The following FKBP5 variants were observed in gnomAD, a reference collection of about 807,000 sequenced individuals.
The protein encoded by FKBP5 is FKBP prolyl isomerase 5.
A neutral mutation model predicts 50.5 loss-of-function variants in FKBP5; 23 were observed. The observed-to-expected ratio is 0.46, with a 90% confidence interval of 0.33 to 0.65. The LOEUF (loss-of-function observed/expected upper bound fraction) is 0.65, where lower values mean the gene tolerates loss of function less well. Among genes scored for constraint, FKBP5 ranks in the 30% least tolerant of loss-of-function variants. The pLI is 0.02. For synonymous variants in FKBP5, 176 were observed against 190.6 expected (o/e 0.92, Z 0.63); for missense variants, 411 against 553.1 (o/e 0.74, Z 2.58).
chr6:35,576,989 C>T lies in FKBP5; in HGVS notation c.1266+5G>A. The T allele has an allele frequency of 6.2e-7, 1 of 1,613,580 alleles. No individual in the cohort carries two copies. ...CCACCTGCAGTCATCAGGCTCTGCA[C>T]ACACCTTGGCATCCTGCTCTGCAAA... On this transcript the variant is annotated splice_donor_5th_base_variant and intron_variant, in intron 10 of 10. Transcript: ENST00000357266.
intron 1 of FKBP5, among the ~76,000 whole-genome samples, chr6:35,677,533 T>A (rs1284632884): frequency 6.6e-6 from 1 of 152,172 alleles, no homozygotes; most frequent in Non-Finnish European, 1.5e-5. Context: ...GGTTCAGCAT[T>A]TCCCCTACTA....
At chr6:35,711,866 A>C (rs974079037) in intron 2 of FKBP5, among the ~76,000 whole-genome samples, 1 of 151,896 alleles carries the variant, frequency 6.6e-6, no homozygotes, top group Non-Finnish European at 1.5e-5. Context: ...TTATGTTTCT[A>C]CTTCTGTCTG....
intron 9 of FKBP5, among the ~76,000 whole-genome samples, chr6:35,578,479 A>G (rs559061029): frequency 6.6e-6 from 1 of 152,306 alleles, no homozygotes; most frequent in South Asian, 2.1e-4. Flanking sequence ...CAAAGCTAAA[A>G]GAAAATTGCT....
chr6:35,650,199 A>G (rs1581852102), intron 1 of FKBP5, among the ~76,000 whole-genome samples: 1 of 151,474 alleles, frequency 6.6e-6, no homozygotes, highest in Non-Finnish European at 1.5e-5. Flanking sequence ...AATAAAAAAT[A>G]CACGCCTGTG....
intron 1 of FKBP5, among the ~76,000 whole-genome samples, chr6:35,685,218 T>A (rs570936666): frequency 6.6e-6 from 1 of 152,338 alleles, no homozygotes; most frequent in African/African-American, 2.4e-5. Flanking sequence ...CTAGTACATA[T>A]GGCCCCACTG....
chr6:35,611,625 A>C (rs958773601), intron 5 of FKBP5, among the ~76,000 whole-genome samples: 3 of 152,210 alleles, frequency 2.0e-5, no homozygotes, highest in Non-Finnish European at 4.4e-5. Flanking sequence ...TAAAGACTGA[A>C]GTATCAGTCA....
chr6:35,651,480 C>G (rs559073311), intron 1 of FKBP5, among the ~76,000 whole-genome samples: 8 of 152,088 alleles, frequency 5.3e-5, no homozygotes, highest in Non-Finnish European at 1.2e-4. Context: ...AGAAGGTTAT[C>G]AGAGATAAGG....
intron 1 of FKBP5, among the ~76,000 whole-genome samples, chr6:35,683,842 A>C (rs1252066003): frequency 1.3e-5 from 2 of 151,116 alleles, no homozygotes; most frequent in Admixed American, 6.6e-5. Context: ...ACCTAAGATC[A>C]GGAGTTTAAG....
intron 7 of FKBP5, 127 bp from the exon 8 acceptor site, chr6:35,587,244 G>T: frequency 2.4e-6 from 2 of 822,770 alleles, no homozygotes; most frequent in Non-Finnish European, 2.0e-6. Flanking sequence ...TGTTGAAATT[G>T]TGTGTCAGTG....
chr6:35,689,136 CCA>C (rs1261505898), upstream of FKBP5, among the ~76,000 whole-genome samples: 1 of 152,222 alleles, frequency 6.6e-6, no homozygotes, highest in Non-Finnish European at 1.5e-5. Flanking sequence ...CCACGCCAGC[CCA>C]CGTGTCTGGC....
intron 10 of FKBP5, among the ~76,000 whole-genome samples, 190 bp downstream of exon 10, chr6:35,576,799 TCTCTC>T (rs1442978915): frequency 1.3e-5 from 2 of 152,192 alleles, no homozygotes; most frequent in Non-Finnish European, 2.9e-5. Context: ...AGTTTTCTCA[TCTCTC>T]ATGACGTGTG....
chr6:35,668,302 G>A (rs1158998361), intron 1 of FKBP5, among the ~76,000 whole-genome samples: 1 of 152,186 alleles, frequency 6.6e-6, no homozygotes, highest in East Asian at 1.9e-4. Context: ...GGGAAGCCCT[G>A]CTTCTCCCTC....
At chr6:35,576,380 A>G (rs560907526) in intron 10 of FKBP5, among the ~76,000 whole-genome samples, 1 of 152,278 alleles carries the variant, frequency 6.6e-6, no homozygotes, top group East Asian at 1.9e-4. Context: ...TTTTTCAAAA[A>G]TGACAAAAGG....
intron 8 of FKBP5, chr6:35,580,977 A>G: frequency 1.0e-6 from 1 of 985,268 alleles, no homozygotes; most frequent in Non-Finnish European, 1.2e-6. Context: ...AACACAGCCA[A>G]TCCTATTTGA....
At chr6:35,623,425 C>A (rs1482681020) in intron 3 of FKBP5, among the ~76,000 whole-genome samples, 1 of 152,184 alleles carries the variant, frequency 6.6e-6, no homozygotes, top group Admixed American at 6.5e-5. Flanking sequence ...ATATTACCAA[C>A]AGTAATCTAA....
Position 35,686,237 on chromosome 6 carries a change from AT to A in FKBP5, c.-20+2566del, listed in dbSNP as rs1765824242. ...TTTGAAACTGAAATTGTAGTTGATA[AT>A]TTTATGATATCATCTATTACAAGTT... On this transcript the variant is annotated intron_variant, in intron 1 of 10. Coordinates refer to ENST00000357266, the MANE Select transcript of FKBP5 (RefSeq NM_004117.4). 7.2e-5 allele frequency among the ~76,000 whole-genome samples: 11 copies of A among 152,224 alleles called. 1 individual carries two copies. The South Asian group carries it at 2.3e-3, about 32-fold the overall frequency.
At chr6:35,702,883 GATTT>G (rs1766216096) in intron 2 of FKBP5, among the ~76,000 whole-genome samples, 1 of 152,024 alleles carries the variant, frequency 6.6e-6, no homozygotes, top group South Asian at 2.1e-4. Context: ...GTTAAACAAA[GATTT>G]ATTTGATATG....
At chr6:35,602,561 C>T (rs1763178114) in intron 5 of FKBP5, among the ~76,000 whole-genome samples, 1 of 151,994 alleles carries the variant, frequency 6.6e-6, no homozygotes, top group South Asian at 2.1e-4. Flanking sequence ...CTGCCTGTGT[C>T]TCCTGCCTAA....
chr6:35,630,131 GGAGAGAAAGAGA>G (rs951219750), intron 3 of FKBP5, among the ~76,000 whole-genome samples: 3 of 151,232 alleles, frequency 2.0e-5, no homozygotes, highest in Non-Finnish European at 2.9e-5. Context: ...GCAAGTCTCT[GGAGAGAAAGAGA>G]GAGAGAAAGA....
Sources: gnomAD v4.1 joint callset for allele counts (sites outside exome capture counted in the v4.1 genomes callset) on GRCh38, gnomAD v4.1.1 for gene constraint, MANE v1.5 for transcripts, NCBI Gene and HGNC (gene_info 2026-07-23, HGNC 2026-07-21) for gene names.